DTNB: variants seen among roughly 807,000 people sequenced by gnomAD.
DTNB encodes dystrobrevin beta.
Under a neutral mutation model 90.7 loss-of-function variants are expected in DTNB, and 63 were observed. That is an observed-to-expected ratio of 0.69 (90% CI 0.57 to 0.86). The LOEUF (loss-of-function observed/expected upper bound fraction) is 0.86, where lower values mean the gene tolerates loss of function less well. DTNB is among the 40% of genes least tolerant of loss of function. DTNB has a pLI of 0.00. For missense variants in DTNB, 744 were observed against 807.1 expected, an observed-to-expected ratio of 0.92 and a Z score of 0.95; for synonymous variants, 277 against 286.7, an observed-to-expected ratio of 0.97 and a Z score of 0.34.
intron 6 of DTNB, among the ~76,000 whole-genome samples, chr2:25,581,990 G>A (rs2061620909): frequency 6.6e-6 from 1 of 152,194 alleles, no homozygotes; most frequent in African/African-American, 2.4e-5. Flanking sequence ...TTTCACCTTG[G>A]TCTCTCCCAA....
intron 2 of DTNB, among the ~76,000 whole-genome samples, chr2:25,644,461 T>A (rs1450058579): frequency 2.6e-5 from 4 of 152,180 alleles, no homozygotes; most frequent in African/African-American, 4.8e-5. Flanking sequence ...CATTTATGAT[T>A]GAAAAAATTT....
At chr2:25,569,037 G>C (rs534348849) in intron 8 of DTNB, among the ~76,000 whole-genome samples, 5 of 152,194 alleles carry the variant, frequency 3.3e-5, no homozygotes, top group African/African-American at 1.2e-4. Flanking sequence ...CACATTAAGA[G>C]AACACACATA....
intron 12 of DTNB, among the ~76,000 whole-genome samples, chr2:25,449,357 T>C (rs2058922377): frequency 6.6e-6 from 1 of 152,228 alleles, no homozygotes; most frequent in Non-Finnish European, 1.5e-5. Flanking sequence ...AAGAGTAGAA[T>C]TGCTGGGTCA....
chr2:25,448,243 C>T (rs1377486310), intron 12 of DTNB, among the ~76,000 whole-genome samples: 5 of 152,142 alleles, frequency 3.3e-5, no homozygotes, highest in Non-Finnish European at 7.4e-5. Context: ...ACTGTTAGTT[C>T]CATGAGGGCA....
intron 9 of DTNB, among the ~76,000 whole-genome samples, chr2:25,521,732 T>A (rs1459280850): frequency 6.6e-6 from 1 of 152,220 alleles, no homozygotes; most frequent in Admixed American, 6.5e-5. Flanking sequence ...TCATGTAAGT[T>A]TCACTTTACA....
At chr2:25,463,692 C>G (rs115661099) in intron 10 of DTNB, among the ~76,000 whole-genome samples, 230 of 152,268 alleles carry the variant, frequency 1.5e-3, no homozygotes, top group Non-Finnish European at 2.6e-3. Flanking sequence ...AGGCACGGAA[C>G]GAATAAGTCA....
At chr2:25,534,157 G>C (rs1414645830) in intron 8 of DTNB, among the ~76,000 whole-genome samples, 1 of 151,954 alleles carries the variant, frequency 6.6e-6, no homozygotes, top group Admixed American at 6.6e-5. Context: ...TTTGGCCTTC[G>C]GCCCTGTTTG....
chr2:25,557,745 A>C (rs2057598856), intron 8 of DTNB, among the ~76,000 whole-genome samples: 1 of 152,238 alleles, frequency 6.6e-6, no homozygotes, highest in African/African-American at 2.4e-5. Flanking sequence ...AGAAGTTCTT[A>C]CTAACACAAA....
At chr2:25,593,466 T>C (rs1211567146) in intron 6 of DTNB, among the ~76,000 whole-genome samples, 1 of 152,268 alleles carries the variant, frequency 6.6e-6, no homozygotes, top group East Asian at 1.9e-4. Context: ...TTGGTCAATA[T>C]ATCAGTATAT....
chr2:25,644,080 A>T (rs989870852), intron 2 of DTNB, among the ~76,000 whole-genome samples: 1 of 152,248 alleles, frequency 6.6e-6, no homozygotes, highest in Non-Finnish European at 1.5e-5. Flanking sequence ...AAGGGGAGGC[A>T]TGAATAATCC....
In DTNB at chr2:25,387,622, G is replaced by A. The variant is rs142599701; in HGVS notation, c.1736-244C>T. Among the ~76,000 whole-genome samples, 1,036 of 152,186 alleles carry A rather than the reference G, an allele frequency of 6.8e-3. 3 individuals are homozygous for A. The highest frequency in any genetic ancestry group is 0.017 in the Middle Eastern group (5 of 294). On this transcript the variant is annotated intron_variant, in intron 17 of 20. Coordinates refer to ENST00000406818, the MANE Select transcript of DTNB (RefSeq NM_021907.5). The surrounding 1 kb of genome is among the most constrained non-coding windows in gnomAD (Gnocchi z 4.5). Reference sequence around the variant, plus strand: ...CATCCTGTCAACTCCACGCTTTGCCGCCACCACACAATCCAGAGCTGGGTT... The same window carrying A: ...CATCCTGTCAACTCCACGCTTTGCCACCACCACACAATCCAGAGCTGGGTT...
intron 10 of DTNB, among the ~76,000 whole-genome samples, chr2:25,475,312 G>C (rs62128545): frequency 0.42 from 63,206 of 152,044 alleles, 14,005 homozygotes; most frequent in Non-Finnish European, 0.5. Flanking sequence ...AGTTTTAGTG[G>C]TCTGGATAGA....
At chr2:25,434,112 C>T (rs2054879017) in intron 12 of DTNB, 117 bp from the exon 13 acceptor site, 2 of 919,328 alleles carry the variant, frequency 2.2e-6, no homozygotes, top group African/African-American at 1.7e-5. Context: ...ATCATAAATC[C>T]ACCCGTTTTA....
In DTNB at chr2:25,574,510, C is replaced by G. The variant is rs77533740; in HGVS notation, c.876+2328G>C. ...CAGGTACTACTTAAAACTCATATGT[C>G]ACATCTACAATGAAAATTCTTATAC... On this transcript the variant is annotated intron_variant, in intron 8 of 20. Transcript: ENST00000406818. 6.6e-3 allele frequency among the ~76,000 whole-genome samples: 999 copies of G among 152,296 alleles called. 12 individuals carry two copies. The highest frequency in any genetic ancestry group is 0.023 in the African/African-American group (951 of 41,566).
rs531387252 is a variant in DTNB at position 25,422,578 on chromosome 2, G to C, written c.1555-3043C>G. ...GCACCACCACATCTGGCTAATTTTT[G>C]TATTTTTAGTAGAGGTGGGATTTCA... is the stretch of plus-strand genomic sequence containing the variant. On this transcript the variant is annotated intron_variant, in intron 15 of 20. Coordinates refer to ENST00000406818, the MANE Select transcript of DTNB (RefSeq NM_021907.5). 1.5e-4 allele frequency among the ~76,000 whole-genome samples: 23 copies of C among 151,746 alleles called. No homozygotes were observed. The South Asian group carries it at 4.4e-3, about 29-fold the overall frequency.
chr2:25,506,639 C>T (rs1449061546), intron 9 of DTNB, among the ~76,000 whole-genome samples: 1 of 152,068 alleles, frequency 6.6e-6, no homozygotes, highest in Non-Finnish European at 1.5e-5. Flanking sequence ...ACTTGATCAC[C>T]GCACATTCTA....
intron 10 of DTNB, among the ~76,000 whole-genome samples, chr2:25,477,241 A>T (rs1378845078): frequency 6.6e-6 from 1 of 152,210 alleles, no homozygotes; most frequent in Admixed American, 6.5e-5. Flanking sequence ...TTTTATATGT[A>T]CTGGGAAATT....
At chr2:25,668,487 T>C (rs76912811) in intron 1 of DTNB, among the ~76,000 whole-genome samples, 5,053 of 152,322 alleles carry the variant, frequency 0.033, 291 homozygotes, top group African/African-American at 0.11. Context: ...AGTCATGCCA[T>C]GTAAATGATA....
intron 16 of DTNB, among the ~76,000 whole-genome samples, chr2:25,402,807 A>G (rs1180098356): frequency 2.6e-5 from 4 of 152,222 alleles, no homozygotes; most frequent in African/African-American, 7.2e-5. Flanking sequence ...AATGGCAGAA[A>G]GTTAGGGTTC....
Sources: gnomAD v4.1 joint callset for allele counts (sites outside exome capture counted in the v4.1 genomes callset) on GRCh38, gnomAD v4.1.1 for gene constraint, Gnocchi (gnomAD v3.1) non-coding constraint, MANE v1.5 for transcripts, NCBI Gene and HGNC (gene_info 2026-07-23, HGNC 2026-07-21) for gene names.